The following TAFA1 variants were observed in gnomAD, a reference collection of about 807,000 sequenced individuals.
TAFA1 encodes the protein TAFA chemokine like family member 1.
A neutral mutation model predicts 18.5 loss-of-function variants in TAFA1; 4 were observed. The observed-to-expected ratio is 0.22, with a 90% CI of 0.11 to 0.49. The LOEUF is 0.49. Ranked by LOEUF, TAFA1 falls within the 20% of genes least tolerant of loss-of-function variation. The pLI is 0.98. For missense variants in TAFA1, 147 were observed against 169.0 expected (o/e 0.87, Z 0.72); for synonymous variants, 56 against 55.2 (o/e 1.01, Z -0.06).
intron 2 of TAFA1, among the ~76,000 whole-genome samples, chr3:68,371,576 A>G (rs1261058393): frequency 1.7e-4 from 26 of 152,108 alleles, no homozygotes; most frequent in Admixed American, 1.7e-3. Flanking sequence ...TTATGGCTGC[A>G]TAGTATTCCA....
intron 2 of TAFA1, among the ~76,000 whole-genome samples, chr3:68,120,185 CTT>C (rs1298707725): frequency 2.1e-4 from 5 of 23,904 alleles, no homozygotes; most frequent in Non-Finnish European, 4.9e-4. Context: ...TTCTTTCTTT[CTT>C]TCTTTCTTTC....
At chr3:68,311,632 C>T (rs1042510105) in intron 2 of TAFA1, among the ~76,000 whole-genome samples, 1 of 152,252 alleles carries the variant, frequency 6.6e-6, no homozygotes, top group Non-Finnish European at 1.5e-5. Context: ...TCAGGTCACA[C>T]TGATGCAAGA....
At chr3:68,428,444 G>A (rs2071100364) in intron 3 of TAFA1, among the ~76,000 whole-genome samples, 1 of 151,894 alleles carries the variant, frequency 6.6e-6, no homozygotes, top group Middle Eastern at 3.4e-3. Flanking sequence ...GGCATCCTTC[G>A]ACCTCCTTAG....
At chr3:68,385,068 A>G (rs1042545410) in intron 2 of TAFA1, among the ~76,000 whole-genome samples, 1 of 151,442 alleles carries the variant, frequency 6.6e-6, no homozygotes, top group Non-Finnish European at 1.5e-5. Flanking sequence ...TCCTGCTTCT[A>G]TAATTACTAA....
chr3:68,120,245 CTTTCTTTCTTTCTTTCTTTT>C (rs2065381936), intron 2 of TAFA1, among the ~76,000 whole-genome samples: 12 of 65,208 alleles, frequency 1.8e-4, no homozygotes, highest in Admixed American at 7.1e-4. Context: ...TTCTTTCTTT[CTTTCTTTCTTTCTTTCTTTT>C]TTGAGACAGA....
chr3:68,331,547 A>G (rs2068870845), intron 2 of TAFA1, among the ~76,000 whole-genome samples: 1 of 152,262 alleles, frequency 6.6e-6, no homozygotes, highest in Non-Finnish European at 1.5e-5. Context: ...GGACTCTACC[A>G]TTACAAAGAT....
chr3:68,157,258 G>T (rs1439752231), intron 2 of TAFA1, among the ~76,000 whole-genome samples: 2 of 152,108 alleles, frequency 1.3e-5, no homozygotes, highest in Non-Finnish European at 1.5e-5. Flanking sequence ...TCATGCTGAG[G>T]TCAATGTTAA....
chr3:68,191,801 C>T (rs988258214), intron 2 of TAFA1, among the ~76,000 whole-genome samples: 1 of 151,782 alleles, frequency 6.6e-6, no homozygotes, highest in Admixed American at 6.6e-5. Flanking sequence ...TAATGGGCAC[C>T]TGATTTTCAC....
chr3:68,074,262 G>T (rs2064797046), intron 2 of TAFA1, among the ~76,000 whole-genome samples: 1 of 152,182 alleles, frequency 6.6e-6, no homozygotes, highest in South Asian at 2.1e-4. Flanking sequence ...TGTAAATACA[G>T]ATGAAAATTC....
chr3:68,468,818 CT>C (rs1420395706), intron 3 of TAFA1, among the ~76,000 whole-genome samples: 1 of 152,182 alleles, frequency 6.6e-6, no homozygotes, highest in Non-Finnish European at 1.5e-5. Flanking sequence ...ATTATCAGCA[CT>C]TTTCTATTAT....
intron 3 of TAFA1, among the ~76,000 whole-genome samples, chr3:68,515,273 T>G (rs1420369877): frequency 6.6e-6 from 1 of 152,194 alleles, no homozygotes; most frequent in Non-Finnish European, 1.5e-5. Context: ...AATCCTAGAA[T>G]GTTACTTGGG....
intron 2 of TAFA1, among the ~76,000 whole-genome samples, chr3:68,390,374 A>T (rs2070208175): frequency 6.6e-6 from 1 of 151,792 alleles, no homozygotes; most frequent in Non-Finnish European, 1.5e-5. Context: ...TATATATAAA[A>T]CTCCCATCTC....
chr3:68,284,955 G>A (rs1039975656), intron 2 of TAFA1, among the ~76,000 whole-genome samples: 2 of 151,936 alleles, frequency 1.3e-5, no homozygotes, highest in Non-Finnish European at 2.9e-5. Flanking sequence ...TAAAATAATG[G>A]CACATGCATG....
chr3:68,302,596 G>A (rs975627577), intron 2 of TAFA1, among the ~76,000 whole-genome samples: 3 of 151,326 alleles, frequency 2.0e-5, no homozygotes, highest in Non-Finnish European at 4.4e-5. Context: ...AAAGTTCCAA[G>A]AGAATGGAGT....
upstream of TAFA1, among the ~76,000 whole-genome samples, chr3:68,000,929 T>C (rs151162113): frequency 4.3e-3 from 642 of 150,226 alleles, 7 homozygotes; most frequent in African/African-American, 0.015. Context: ...TGAATGGCCA[T>C]TGGAATTGAG....
intron 2 of TAFA1, among the ~76,000 whole-genome samples, chr3:68,103,964 C>G (rs905289229): frequency 6.6e-6 from 1 of 152,120 alleles, no homozygotes; most frequent in Non-Finnish European, 1.5e-5. Flanking sequence ...AGCTTCTTCC[C>G]ATTGACTTAA....
chr3:68,267,250 T>C (rs1339817172), intron 2 of TAFA1, among the ~76,000 whole-genome samples: 5 of 152,212 alleles, frequency 3.3e-5, no homozygotes, highest in African/African-American at 1.2e-4. Flanking sequence ...ACAATCATTA[T>C]TTGCCAATTT....
At chr3:68,135,408 C>G (rs944387508) in intron 2 of TAFA1, among the ~76,000 whole-genome samples, 12 of 152,178 alleles carry the variant, frequency 7.9e-5, no homozygotes, top group Admixed American at 7.9e-4. Context: ...TATCTGAGAT[C>G]CTGCATGTGA....
chr3:68,167,594 A>G (rs1469595149), intron 2 of TAFA1, among the ~76,000 whole-genome samples: 13 of 151,746 alleles, frequency 8.6e-5, no homozygotes, highest in African/African-American at 2.9e-4. Context: ...AAACAAAAAA[A>G]ACAGAAGAAG....
Sources: allele counts gnomAD v4.1 joint callset (sites outside exome capture counted in the v4.1 genomes callset), GRCh38; gene constraint gnomAD v4.1.1; transcripts MANE v1.5; gene names NCBI Gene and HGNC (gene_info 2026-07-23, HGNC 2026-07-21).